Variants in CNTNAP2 observed in about 807,000 individuals in gnomAD.
CNTNAP2 encodes contactin-associated protein-like 2.
CNTNAP2 carries 98 observed loss-of-function variants against 155.2 expected under a neutral mutation model. That is an observed-to-expected ratio of 0.63 (90% CI 0.54 to 0.75). CNTNAP2 has a LOEUF of 0.75. Ranked by LOEUF, CNTNAP2 falls within the 30% of genes least tolerant of loss-of-function variation. The pLI is 0.00. For missense variants in CNTNAP2, 1,727 were observed against 1,688.1 expected (o/e 1.02, Z -0.40); for synonymous variants, 651 against 631.2 (o/e 1.03, Z -0.47).
chr7:148,392,796 T>C (rs1799380031), intron 22 of CNTNAP2, among the ~76,000 whole-genome samples: 1 of 152,152 alleles, frequency 6.6e-6, no homozygotes, highest in Non-Finnish European at 1.5e-5. Flanking sequence ...CCAGCCCTCT[T>C]AGGCACGTGG....
At chr7:147,910,759 AGTAT>A (rs1032182289) in intron 14 of CNTNAP2, among the ~76,000 whole-genome samples, 1 of 152,172 alleles carries the variant, frequency 6.6e-6, no homozygotes, top group African/African-American at 2.4e-5. Context: ...CCAGGAGAAC[AGTAT>A]GGGGGATACC....
At chr7:147,389,895 C>T (rs191691540) in intron 9 of CNTNAP2, among the ~76,000 whole-genome samples, 136 of 152,184 alleles carry the variant, frequency 8.9e-4, no homozygotes, top group Admixed American at 2.3e-3. Context: ...CTTGACAATT[C>T]GTTACATTCA....
chr7:147,195,183 T>C (rs1046869538), intron 8 of CNTNAP2, among the ~76,000 whole-genome samples: 4 of 152,208 alleles, frequency 2.6e-5, no homozygotes, highest in African/African-American at 9.6e-5. Flanking sequence ...AGGAGATCAT[T>C]TCCCCATTGC....
chr7:147,825,237 A>G (rs1024986264), intron 13 of CNTNAP2, among the ~76,000 whole-genome samples: 1 of 152,194 alleles, frequency 6.6e-6, no homozygotes, highest in African/African-American at 2.4e-5. Flanking sequence ...ATTTGTCTCT[A>G]TGGGTTTGTG....
At position 147,289,724 on chromosome 7, in the gene CNTNAP2, C is replaced by A. The variant is rs1805259661; in HGVS notation, c.1349-10417C>A. The stretch of plus-strand genomic sequence containing the variant: ...TTGAAAAAGCTACCAAAATTTTTTT[C>A]ATGAACATTTAGTCTTGGGGTAGTT... On this transcript the variant is annotated intron_variant, in intron 8 of 23. Coordinates refer to ENST00000361727, the MANE Select transcript of CNTNAP2 (RefSeq NM_014141.6). 2.0e-5 allele frequency among the ~76,000 whole-genome samples: 3 copies of A among 152,246 alleles called. No individual in the cohort carries two copies. In the South Asian group the frequency reaches 6.2e-4, roughly 32 times the overall value.
chr7:148,026,023 T>G (rs1419333498), intron 15 of CNTNAP2, among the ~76,000 whole-genome samples: 1 of 152,228 alleles, frequency 6.6e-6, no homozygotes, highest in East Asian at 1.9e-4. Flanking sequence ...AGCAGGACTT[T>G]TTGACCTGAA....
chr7:147,078,957 G>C (rs1328505682), intron 4 of CNTNAP2, among the ~76,000 whole-genome samples: 1 of 151,872 alleles, frequency 6.6e-6, no homozygotes, highest in East Asian at 1.9e-4. Flanking sequence ...CACCATGTTG[G>C]CCAGGTTGGT....
At chr7:146,585,415 C>T (rs897526118) in intron 1 of CNTNAP2, among the ~76,000 whole-genome samples, 8 of 152,086 alleles carry the variant, frequency 5.3e-5, no homozygotes, top group Non-Finnish European at 1.0e-4. Flanking sequence ...CTACCGCACC[C>T]GGCCTAAACC....
chr7:147,909,070 TA>T (rs530322430), intron 14 of CNTNAP2, among the ~76,000 whole-genome samples: 214 of 152,316 alleles, frequency 1.4e-3, no homozygotes, highest in African/African-American at 4.9e-3. Flanking sequence ...GAACCTTAGC[TA>T]AAAATTATTT....
chr7:148,033,022 C>T (rs1470277662), intron 15 of CNTNAP2, among the ~76,000 whole-genome samples: 4 of 152,132 alleles, frequency 2.6e-5, no homozygotes, highest in Non-Finnish European at 5.9e-5. Flanking sequence ...GATCCCAACA[C>T]TCGGTGACTC....
intron 1 of CNTNAP2, among the ~76,000 whole-genome samples, chr7:146,159,940 C>T (rs1798191023): frequency 6.6e-6 from 1 of 152,184 alleles, no homozygotes; most frequent in South Asian, 2.1e-4. Context: ...AATACACATT[C>T]TTCTCAGTGC....
At chr7:148,193,679 T>C in intron 18 of CNTNAP2, among the ~76,000 whole-genome samples, 1 of 151,970 alleles carries the variant, frequency 6.6e-6, no homozygotes. Context: ...CTGGCTTGGG[T>C]ATTCCACACA....
chr7:146,799,288 A>C (rs1232915596), intron 2 of CNTNAP2, among the ~76,000 whole-genome samples: 22 of 152,050 alleles, frequency 1.4e-4, no homozygotes. Flanking sequence ...ATCTATGGTA[A>C]CCCATTTCAT....
At chr7:147,419,076 A>G (rs868443421) in intron 10 of CNTNAP2, among the ~76,000 whole-genome samples, 3 of 152,220 alleles carry the variant, frequency 2.0e-5, no homozygotes, top group African/African-American at 7.2e-5. Context: ...AATGCCAAAA[A>G]AATTTCAATG....
Position 146,155,784 on chromosome 7 carries a change from C to T in CNTNAP2, c.97+38811C>T, listed in dbSNP as rs182374921. Among the ~76,000 whole-genome samples the T allele has an allele frequency of 6.6e-5, 10 of 151,908 alleles. No homozygotes were observed. The East Asian group carries it at 1.9e-3, about 29-fold the overall frequency. ...GCGGGATCTTGGCTCACTACAACCT[C>T]CTCCTCCCAGGTTCAAGTGATTCTC... On this transcript the variant is annotated intron_variant, in intron 1 of 23. Coordinates refer to ENST00000361727, the MANE Select transcript of CNTNAP2 (RefSeq NM_014141.6).
At chr7:146,621,070 G>A (rs1266999749) in intron 1 of CNTNAP2, among the ~76,000 whole-genome samples, 2 of 152,052 alleles carry the variant, frequency 1.3e-5, no homozygotes, top group Non-Finnish European at 2.9e-5. Flanking sequence ...AACTTTAGCC[G>A]AATTTTCTTA....
intron 3 of CNTNAP2, among the ~76,000 whole-genome samples, chr7:146,989,016 A>G (rs1016208229): frequency 2.0e-5 from 3 of 152,112 alleles, no homozygotes; most frequent in Non-Finnish European, 2.9e-5. Flanking sequence ...TTTCTTTCTT[A>G]CACACCTGTT....
At chr7:146,789,599 CAA>C (rs35157587) in intron 2 of CNTNAP2, among the ~76,000 whole-genome samples, 11 of 122,882 alleles carry the variant, frequency 9.0e-5, no homozygotes, top group Admixed American at 8.6e-5. Context: ...GGGTGGCAGG[CAA>C]AAAAAAAAAA....
In CNTNAP2 at chr7:148,182,411, G is replaced by A. The variant is rs547759258; in HGVS notation, c.3010+9933G>A. On this transcript the variant is annotated intron_variant, in intron 18 of 23. Coordinates refer to ENST00000361727, the MANE Select transcript of CNTNAP2 (RefSeq NM_014141.6). ...ACGCTGCCCTTGAGTACTCCATCAC[G>A]TCTATGGGCCATGAAGACCTGCCTC... Among the ~76,000 whole-genome samples the A allele has an allele frequency of 4.5e-4, 67 of 148,408 alleles. No individual in the cohort carries two copies. The South Asian group carries it at 0.014, about 30-fold the overall frequency.
Sources: allele counts gnomAD v4.1 joint callset (sites outside exome capture counted in the v4.1 genomes callset), GRCh38; gene constraint gnomAD v4.1.1; transcripts MANE v1.5; gene names NCBI Gene and HGNC (gene_info 2026-07-23, HGNC 2026-07-21).